The following CDH23 variants were observed in gnomAD, a reference collection of about 807,000 sequenced individuals.
The protein encoded by CDH23 is cadherin-23.
A neutral mutation model predicts 317.1 loss-of-function variants in CDH23; 189 were observed. The ratio of observed to expected loss-of-function variants is 0.60; its 90% CI spans 0.53 to 0.67. CDH23 has a LOEUF of 0.67. CDH23 is among the 30% of genes least tolerant of loss of function. The pLI is 0.00. For missense variants in CDH23, 4,401 were observed against 4,592.4 expected (o/e 0.96, Z 1.20); for synonymous variants, 1,839 against 1,876.8 (o/e 0.98, Z 0.52).
chr10:71,723,889 G>A (rs1866683304), intron 28 of CDH23, among the ~76,000 whole-genome samples, 156 bp from the exon 29 acceptor site: 1 of 152,108 alleles, frequency 6.6e-6, no homozygotes, highest in Admixed American at 6.5e-5. Context: ...AGACATACAC[G>A]TCCCCTTGTC....
At chr10:71,658,345 G>A (rs540457985) in intron 14 of CDH23, among the ~76,000 whole-genome samples, 4 of 152,340 alleles carry the variant, frequency 2.6e-5, no homozygotes, top group African/African-American at 7.2e-5. Flanking sequence ...CTTCCACTGC[G>A]GCTGGGGTGC....
chr10:71,535,443 C>T (rs987911408), intron 6 of CDH23, among the ~76,000 whole-genome samples: 2 of 152,208 alleles, frequency 1.3e-5, no homozygotes, highest in Non-Finnish European at 2.9e-5. Context: ...GCCTGACTTC[C>T]AGGCCTAGTG....
intron 14 of CDH23, among the ~76,000 whole-genome samples, chr10:71,650,870 C>T (rs1863135117): frequency 2.0e-5 from 3 of 152,366 alleles, no homozygotes; most frequent in South Asian, 2.1e-4. Context: ...TGGCCAGTGT[C>T]TGGGGCCTGG....
At chr10:71,456,072 TGGA>T (rs1850681217) in intron 3 of CDH23, among the ~76,000 whole-genome samples, 1 of 151,904 alleles carries the variant, frequency 6.6e-6, no homozygotes, top group South Asian at 2.1e-4. Flanking sequence ...AATTGAAGTT[TGGA>T]GAAGAGTCTC....
rs200969603 is a variant in CDH23, at chr10:71,760,092, TAC to T, written c.4846-17578_4846-17577del. The stretch of plus-strand genomic sequence containing the variant: ...ACACACATATATATACACACACATA[TAC>T]ACACACACATACATACATATATGTG... On this transcript the variant is annotated intron_variant, in intron 38 of 69. Transcript: ENST00000224721. 1.5e-3 allele frequency among the ~76,000 whole-genome samples: 187 copies of T among 128,036 alleles called. 39 individuals are homozygous for T. The highest frequency in any genetic ancestry group is 4.9e-3 in the African/African-American group (171 of 34,820). The allele number at this position is 128,036 out of a possible 152,430, so 84.0% of individuals were successfully genotyped here.
chr10:71,597,510 G>T (rs1397498916), intron 9 of CDH23, among the ~76,000 whole-genome samples: 1 of 152,132 alleles, frequency 6.6e-6, no homozygotes, highest in Non-Finnish European at 1.5e-5. Flanking sequence ...GGCTGTCAAG[G>T]ACAGGGGCAG....
At chr10:71,434,770 G>T (rs1310596524) in intron 1 of CDH23, among the ~76,000 whole-genome samples, 2 of 152,192 alleles carry the variant, frequency 1.3e-5, no homozygotes, top group African/African-American at 2.4e-5. Flanking sequence ...GGAAGCAGTA[G>T]CGGGTGAGGA....
At chr10:71,635,701 G>A (rs908874576) in intron 11 of CDH23, among the ~76,000 whole-genome samples, 6 of 151,958 alleles carry the variant, frequency 3.9e-5, no homozygotes, top group South Asian at 2.1e-4. Context: ...AAGAAGGGGG[G>A]AGGAAAGAGA....
At chr10:71,564,102 G>T (rs1377319259) in intron 6 of CDH23, among the ~76,000 whole-genome samples, 1 of 152,198 alleles carries the variant, frequency 6.6e-6, no homozygotes, top group Non-Finnish European at 1.5e-5. Flanking sequence ...GTCTAACTCA[G>T]AATTCATGCT....
chr10:71,738,192 G>A (rs1839621827), intron 34 of CDH23, among the ~76,000 whole-genome samples: 1 of 152,132 alleles, frequency 6.6e-6, no homozygotes, highest in Non-Finnish European at 1.5e-5. Flanking sequence ...CTTTAGCCAT[G>A]GCCTGGCTTT....
intron 3 of CDH23, among the ~76,000 whole-genome samples, chr10:71,466,734 G>A (rs766581123): frequency 6.6e-6 from 1 of 152,104 alleles, no homozygotes; most frequent in Non-Finnish European, 1.5e-5. Flanking sequence ...GTGGTGTCCC[G>A]CTTACAAACA....
chr10:71,424,616 A>G (rs1464624369), intron 1 of CDH23, among the ~76,000 whole-genome samples: 1 of 152,194 alleles, frequency 6.6e-6, no homozygotes, highest in Non-Finnish European at 1.5e-5. Flanking sequence ...CCTTCCCTGC[A>G]ACATAGTGTC....
At chr10:71,805,330 T>TC (rs746303851) in intron 55 of CDH23, among the ~76,000 whole-genome samples, 18 of 152,210 alleles carry the variant, frequency 1.2e-4, no homozygotes, top group African/African-American at 2.2e-4. Context: ...CCTGCCTGTG[T>TC]CCCCCCCATT....
chr10:71,755,452 C>T (rs779370543), intron 38 of CDH23: 1 of 1,611,814 alleles, frequency 6.2e-7, no homozygotes, highest in East Asian at 2.2e-5. Flanking sequence ...GTAGCCAGGG[C>T]TGCAGCCGTG....
intron 48 of CDH23, among the ~76,000 whole-genome samples, chr10:71,795,138 A>G (rs931724795): frequency 6.6e-6 from 1 of 152,228 alleles, no homozygotes; most frequent in African/African-American, 2.4e-5. Flanking sequence ...TACTTTTATT[A>G]ACAAAAAATA....
intron 11 of CDH23, among the ~76,000 whole-genome samples, chr10:71,631,546 G>T (rs1017859258): frequency 6.6e-6 from 1 of 152,236 alleles, no homozygotes. Flanking sequence ...AAATTAACAC[G>T]CATATCTTAG....
intron 9 of CDH23, among the ~76,000 whole-genome samples, chr10:71,579,020 T>C (rs1589228472): frequency 6.6e-6 from 1 of 152,222 alleles, no homozygotes; most frequent in Admixed American, 6.5e-5. Context: ...TCAATTTGCC[T>C]GTACCTCCAT....
chr10:71,517,621 T>A (rs1854410042), intron 6 of CDH23, among the ~76,000 whole-genome samples: 1 of 152,246 alleles, frequency 6.6e-6, no homozygotes, highest in East Asian at 1.9e-4. Context: ...AGTTGACAGC[T>A]CCACTCATGA....
chr10:71,599,556 A>G (rs143452230), intron 9 of CDH23, among the ~76,000 whole-genome samples: 53 of 152,250 alleles, frequency 3.5e-4, no homozygotes, highest in African/African-American at 1.3e-3. Flanking sequence ...TTAAGATAAG[A>G]TTGGCAAAAT....
Sources: allele counts gnomAD v4.1 joint callset (sites outside exome capture counted in the v4.1 genomes callset), GRCh38; gene constraint gnomAD v4.1.1; transcripts MANE v1.5; gene names NCBI Gene and HGNC (gene_info 2026-07-23, HGNC 2026-07-21).